PLCB4: variants seen among roughly 807,000 people sequenced by gnomAD.
The protein encoded by PLCB4 is 1-phosphatidylinositol 4,5-bisphosphate phosphodiesterase beta-4.
In PLCB4, 77 loss-of-function variants were observed where a neutral mutation model predicts 178.8. That is an observed-to-expected ratio of 0.43 (90% CI 0.36 to 0.52). The LOEUF is 0.52. PLCB4 is among the 20% of genes least tolerant of loss of function. PLCB4 has a pLI of 0.00. For missense variants in PLCB4, 1,024 were observed against 1,453.4 expected, an observed-to-expected ratio of 0.70 and a Z score of 4.80; for synonymous variants, 496 against 490.8, an observed-to-expected ratio of 1.01 and a Z score of -0.14.
At chr20:9,143,582 T>C (rs1025345902) in intron 2 of PLCB4, among the ~76,000 whole-genome samples, 14 of 152,110 alleles carry the variant, frequency 9.2e-5, no homozygotes, top group African/African-American at 3.4e-4. Flanking sequence ...AAGGATAGTT[T>C]TGGTGCATTT....
chr20:9,468,592 A>T lies in PLCB4; in HGVS notation c.3270A>T (p.Ala1090=). The change falls in exon 36 of 40, where the codon GCA becomes GCT. Residue 1090 remains alanine, a synonymous_variant. Coordinates refer to ENST00000378473, the MANE Select transcript of PLCB4 (RefSeq NM_001377142.1). The part of the protein sequence containing the change: ...SHDRESKEMR[A]HQAKISMENS... ...ATAGGGAAAGCAAGGAAATGCGAGC[A>T]CACCAGGCTAAGATTTCTATGGAAA... The T allele has an allele frequency of 6.2e-7, 1 of 1,609,496 alleles. No homozygotes were observed. Among genetic ancestry groups the T allele is most frequent in the Non-Finnish European group, 8.5e-7 (1 of 1,176,010 alleles).
At chr20:9,293,396 AAAGGAAAGGGAAGGG>A (rs2094599343) in intron 3 of PLCB4, among the ~76,000 whole-genome samples, 1 of 142,970 alleles carries the variant, frequency 7.0e-6, no homozygotes, top group South Asian at 2.3e-4. Context: ...AAAGGGAAGG[AAAGGAAAGGGAAGGG>A]AAGGGAAGGG....
intron 2 of PLCB4, among the ~76,000 whole-genome samples, chr20:9,205,271 T>C (rs547155433): frequency 6.6e-5 from 10 of 152,298 alleles, no homozygotes; most frequent in Admixed American, 2.0e-4. Flanking sequence ...TGCTCCACTG[T>C]AGGCCAATGT....
chr20:9,102,679 C>T (rs1471586896), intron 2 of PLCB4, among the ~76,000 whole-genome samples: 1 of 152,102 alleles, frequency 6.6e-6, no homozygotes, highest in African/African-American at 2.4e-5. Context: ...CTTATGTTAA[C>T]AGTTTATTTC....
intron 20 of PLCB4, among the ~76,000 whole-genome samples, chr20:9,402,070 A>G (rs539388718): frequency 6.6e-6 from 1 of 152,320 alleles, no homozygotes; most frequent in South Asian, 2.1e-4. Flanking sequence ...ACCTTTTGTC[A>G]GGCATAGTCT....
chr20:9,280,408 A>G (rs1324124517), intron 3 of PLCB4: 3 of 972,926 alleles, frequency 3.1e-6, no homozygotes, highest in Admixed American at 6.2e-5. Flanking sequence ...CAAAGGACAA[A>G]GATATTGTGT....
Position 9,372,418 on chromosome 20 carries a change from T to A in PLCB4, c.686+15T>A. ...TTCAAAAAAATGTAAGTTCCACTTA[T>A]GAGGAAGTGCCATATAAATATTATC... is the stretch of plus-strand genomic sequence containing the variant. On this transcript the variant is annotated intron_variant, in intron 11 of 39. Transcript: ENST00000378473. 4.0e-6 allele frequency: 5 copies of A among 1,264,622 alleles called. No individual in the cohort carries two copies. The highest frequency in any genetic ancestry group is 5.8e-6 in the Non-Finnish European group (5 of 869,560). 78.3% of individuals were successfully genotyped at this position (1,264,622 alleles called of 1,614,324 possible). A position where few individuals can be genotyped will look rare whatever the true frequency, so the allele number is the denominator to read the frequency against.
chr20:9,379,670 G>T (rs1345368611), intron 12 of PLCB4, among the ~76,000 whole-genome samples: 1 of 152,034 alleles, frequency 6.6e-6, no homozygotes, highest in Admixed American at 6.6e-5. Flanking sequence ...GAACTATTTT[G>T]GGGGGTTGGT....
chr20:9,226,066 G>A (rs1241674140), intron 3 of PLCB4, among the ~76,000 whole-genome samples: 1 of 152,078 alleles, frequency 6.6e-6, no homozygotes, highest in Non-Finnish European at 1.5e-5. Context: ...GCCTGTGGGG[G>A]GAATCAAGTG....
At chr20:9,260,855 T>C (rs2094290181) in intron 3 of PLCB4, among the ~76,000 whole-genome samples, 1 of 152,150 alleles carries the variant, frequency 6.6e-6, no homozygotes. Context: ...TGAAATATGT[T>C]CTAGCCCCGG....
At chr20:9,139,971 G>C (rs1295292754) in intron 2 of PLCB4, among the ~76,000 whole-genome samples, 1 of 152,098 alleles carries the variant, frequency 6.6e-6, no homozygotes, top group African/African-American at 2.4e-5. Context: ...AGAATGCTCT[G>C]TGCCTGGCCG....
At chr20:9,263,205 C>T (rs927629576) in intron 3 of PLCB4, among the ~76,000 whole-genome samples, 2 of 152,124 alleles carry the variant, frequency 1.3e-5, no homozygotes, top group Admixed American at 1.3e-4. Flanking sequence ...GGCAAGATCC[C>T]AGCACAAATA....
At chr20:9,212,970 T>C (rs1568958633) in intron 2 of PLCB4, among the ~76,000 whole-genome samples, 2 of 152,114 alleles carry the variant, frequency 1.3e-5, no homozygotes, top group South Asian at 2.1e-4. Context: ...AACCTTTGAA[T>C]CTTCATTACC....
intron 12 of PLCB4, among the ~76,000 whole-genome samples, chr20:9,376,939 G>T (rs747833825): frequency 9.9e-5 from 15 of 152,054 alleles, no homozygotes; most frequent in Admixed American, 2.0e-4. Flanking sequence ...TCTTTTTGCA[G>T]ATGAAAGAAT....
At chr20:9,422,490 G>T (rs1186067262) in intron 27 of PLCB4, among the ~76,000 whole-genome samples, 1 of 152,082 alleles carries the variant, frequency 6.6e-6, no homozygotes, top group Non-Finnish European at 1.5e-5. Flanking sequence ...GTTATAGCTG[G>T]ATCCGTTACC....
chr20:9,188,413 C>G (rs535167803), intron 2 of PLCB4, among the ~76,000 whole-genome samples: 2 of 152,306 alleles, frequency 1.3e-5, no homozygotes, highest in African/African-American at 4.8e-5. Flanking sequence ...GGGAGTAGGA[C>G]TGGTTGATTC....
chr20:9,099,399 G>A (rs1419937667), intron 2 of PLCB4, among the ~76,000 whole-genome samples: 1 of 152,086 alleles, frequency 6.6e-6, no homozygotes, highest in Non-Finnish European at 1.5e-5. Flanking sequence ...TGGTAGCTTG[G>A]TTAGATGTAT....
At chr20:9,478,816 G>A (rs1447699989) in intron 39 of PLCB4, 105 bp from the exon 40 acceptor site, 4 of 809,714 alleles carry the variant, frequency 4.9e-6, no homozygotes, top group Non-Finnish European at 6.5e-6. Context: ...GAGTAGCAAG[G>A]ATGTGGTGAC....
chr20:9,363,090 T>C, intron 8 of PLCB4, 115 bp downstream of exon 8: 1 of 746,512 alleles, frequency 1.3e-6, no homozygotes, highest in South Asian at 1.5e-5. Flanking sequence ...TTTCCCTCCA[T>C]GCTCCTGACC....
Sources: allele counts gnomAD v4.1 joint callset (sites outside exome capture counted in the v4.1 genomes callset), GRCh38; gene constraint gnomAD v4.1.1; transcripts MANE v1.5; gene names NCBI Gene and HGNC (gene_info 2026-07-23, HGNC 2026-07-21).